KCTD19: variants seen among roughly 807,000 people sequenced by gnomAD.
The protein encoded by KCTD19 is BTB/POZ domain-containing protein KCTD19.
Under a neutral mutation model 103.5 loss-of-function variants are expected in KCTD19, and 67 were observed. The ratio of observed to expected loss-of-function variants is 0.65; its 90% confidence interval spans 0.53 to 0.79. KCTD19 has a LOEUF of 0.79. Ranked by LOEUF, KCTD19 falls within the 30% of genes least tolerant of loss-of-function variation. KCTD19 has a pLI of 0.00. For missense variants in KCTD19, 980 were observed against 1,136.1 expected, an observed-to-expected ratio of 0.86 and a Z score of 1.98; for synonymous variants, 439 against 452.2, an observed-to-expected ratio of 0.97 and a Z score of 0.37.
chr16:67,296,827 T>C (rs1332520687), intron 7 of KCTD19, among the ~76,000 whole-genome samples: 2 of 152,104 alleles, frequency 1.3e-5, no homozygotes, highest in Non-Finnish European at 2.9e-5. Context: ...CTGTAATGAA[T>C]GAAGGGTATA....
intron 7 of KCTD19, among the ~76,000 whole-genome samples, chr16:67,296,757 C>T (rs909349208): frequency 6.6e-6 from 1 of 152,134 alleles, no homozygotes; most frequent in Non-Finnish European, 1.5e-5. Flanking sequence ...TAACCCTTTT[C>T]CTGGAGATGA....
chr16:67,304,235 A>C (rs1249260015), intron 3 of KCTD19, among the ~76,000 whole-genome samples, 186 bp downstream of exon 3: 1 of 152,162 alleles, frequency 6.6e-6, no homozygotes, highest in Admixed American at 6.6e-5. Context: ...GTGGAGGAGA[A>C]TGTTGGTTCC....
At chr16:67,312,225 C>T (rs1415734253) in intron 2 of KCTD19, among the ~76,000 whole-genome samples, 3 of 152,146 alleles carry the variant, frequency 2.0e-5, no homozygotes, top group Non-Finnish European at 2.9e-5. Flanking sequence ...AAAAAAGAAT[C>T]GATAATTTGC....
Position 67,291,366 on chromosome 16 carries a change from C to T in KCTD19, c.2508G>A (p.Arg836=). 2.5e-6 allele frequency: 4 copies of T among 1,614,196 alleles called. No homozygotes were observed. The part of the protein sequence containing the change: ...FLADIIMDSI[R]QKDPKAITAK... ...CTGTGATGGCTTTGGGGTCCTTTTG[C>T]CTGATGGAATCCATGATGATGTCAG... is the stretch of plus-strand genomic sequence containing the variant. Residue 836 remains arginine, a synonymous_variant, in exon 14 of 16, where the codon AGG becomes AGA. Transcript: ENST00000304372.
chr16:67,306,929 A>G (rs2036899459), intron 2 of KCTD19, among the ~76,000 whole-genome samples: 1 of 152,126 alleles, frequency 6.6e-6, no homozygotes, highest in Non-Finnish European at 1.5e-5. Flanking sequence ...ACTCCCTTTG[A>G]GCACATGGGA....
intron 2 of KCTD19, among the ~76,000 whole-genome samples, chr16:67,314,609 G>C (rs1456832871): frequency 6.6e-6 from 1 of 150,442 alleles, no homozygotes; most frequent in Non-Finnish European, 1.5e-5. Context: ...ATAGAGATGG[G>C]GCTTTGTCAT....
Position 67,304,558 on chromosome 16 carries a change from A to T in KCTD19, c.314T>A (p.Leu105Gln), listed in dbSNP as rs2036871554. ...GCGTAGATGGTGTTTCCCTTCCTTC[A>T]GGTTATCTAGAGTCTGTTAGATAAT... The part of the protein sequence containing the change: ...LMPLLQTLDN[L>Q]KEGKHHLRVR... The change falls in exon 3 of 16, where the codon CTG (leucine) becomes CAG (glutamine). Residue 105 changes from leucine to glutamine, a missense_variant. By Grantham distance (113) the Leu-to-Gln change is moderately radical (BLOSUM62 -2). Coordinates refer to ENST00000304372, the MANE Select transcript of KCTD19 (RefSeq NM_001100915.3). The T allele has an allele frequency of 6.2e-7, 1 of 1,613,938 alleles. No individual in the cohort carries two copies. The highest frequency in any genetic ancestry group is 8.5e-7 in the Non-Finnish European group (1 of 1,179,830).
In KCTD19 at chr16:67,290,969, G is replaced by C. The variant is rs755542765; in HGVS notation, c.2583C>G (p.Pro861=). Residue 861 remains proline, a synonymous_variant, in exon 15 of 16, where the codon CCC becomes CCG. Coordinates refer to ENST00000304372, the MANE Select transcript of KCTD19 (RefSeq NM_001100915.3). ...CCAGCAAATCTACCACAAACTGCTT[G>C]GGGCTGATGTGCAGGGTCTGCCAGG... The part of the protein sequence containing the change: ...ANRLWTLHIS[P]KQFVVDLLAI... 19 of 1,613,980 alleles carry C rather than the reference G, an allele frequency of 1.2e-5. No homozygotes were observed. In the African/African-American group the frequency reaches 2.4e-4, roughly 20 times the overall value.
Position 67,320,908 on chromosome 16 carries a change from A to G in KCTD19, c.4-23T>C, listed in dbSNP as rs776194728. Reference sequence around the variant, plus strand: ...CTCCTAAAGGGGGAATGAAAAAGAGATCTACGCAAGAAAAAGAAATAAAAA... The same window carrying G: ...CTCCTAAAGGGGGAATGAAAAAGAGGTCTACGCAAGAAAAAGAAATAAAAA... On this transcript the variant is annotated intron_variant, in intron 1 of 15. Transcript: ENST00000304372. This position sits in a 1 kb window ranked among gnomAD's most constrained non-coding sequence, Gnocchi z 4.0. 2.2e-5 allele frequency: 34 copies of G among 1,577,920 alleles called. No homozygotes were observed. Among genetic ancestry groups the G allele is most frequent in the Non-Finnish European group, 2.7e-5 (31 of 1,165,656 alleles).
In KCTD19 at chr16:67,302,133, C is replaced by T. The variant is rs181030691; in HGVS notation, c.644-211G>A. ...TACTTTGTTTTCCTGTGTCTGAGGC[C>T]GTGGGTGTGGCCTCCCGTGGCTTGG... On this transcript the variant is annotated intron_variant, in intron 4 of 15. Transcript: ENST00000304372. The T allele has an allele frequency of 6.1e-3, 2,844 of 467,208 alleles. 24 individuals are homozygous for T. The highest frequency in any genetic ancestry group is 7.1e-3 in the Non-Finnish European group (1,833 of 259,480). 28.9% of individuals were successfully genotyped at this position (467,208 alleles called of 1,614,324 possible).
chr16:67,294,431 C>T, intron 11 of KCTD19, 149 bp downstream of exon 11: 1 of 670,422 alleles, frequency 1.5e-6, no homozygotes, highest in Admixed American at 2.8e-5. Flanking sequence ...CTTCACGGTT[C>T]AGAAGCCAGG....
In KCTD19 at chr16:67,293,936, G is replaced by T; in HGVS notation, c.1826C>A (p.Pro609Gln). The T allele has an allele frequency of 6.2e-7, 1 of 1,613,796 alleles. No homozygotes were observed. Among genetic ancestry groups the T allele is most frequent in the African/African-American group, 1.3e-5 (1 of 74,900 alleles). ...GTTGATTGTGGTGCATTTCTTCTTT[G>T]GGGGGCTCTCAGGGTGGCTCCCCCA... The part of the protein sequence containing the change: ...GHWGSHPESP[P>Q]KKKCTTINLT... Residue 609 changes from proline to glutamine, a missense_variant, in exon 12 of 16, where the codon CCA becomes CAA. By Grantham distance (76) the Pro-to-Gln change is moderately conservative (BLOSUM62 -1). Transcript: ENST00000304372. The surrounding 1 kb of genome is among the most constrained non-coding windows in gnomAD (Gnocchi z 4.0).
Position 67,320,831 on chromosome 16 carries a change from CT to C in KCTD19, c.57del (p.Gly21AlafsTer26). ...ESAEDLFHFN[V>X]GGWHFSVPRS... ...CTGGGAACTGAGAAATGCCAGCCCCCTACGTTGAAATGAAACAAGTCCTCTG... is the reference window on the plus strand; with the variant it reads ...CTGGGAACTGAGAAATGCCAGCCCCCACGTTGAAATGAAACAAGTCCTCTG... On this transcript the variant is annotated frameshift_variant, in exon 2 of 16. Transcript: ENST00000304372. LOFTEE classifies it high-confidence loss of function. The surrounding 1 kb of genome is among the most constrained non-coding windows in gnomAD (Gnocchi z 4.0). 2 of 1,614,088 alleles carry C rather than the reference CT, an allele frequency of 1.2e-6. No individual in the cohort carries two copies. The highest frequency in any genetic ancestry group is 1.7e-6 in the Non-Finnish European group (2 of 1,179,990).
At position 67,294,189 on chromosome 16, in the gene KCTD19, C is replaced by T. The variant is rs371196353; in HGVS notation, c.1591-18G>A. The T allele has an allele frequency of 6.9e-6, 11 of 1,590,640 alleles. No homozygotes were observed. Among genetic ancestry groups the T allele is most frequent in the South Asian group, 1.1e-5 (1 of 89,558 alleles). On this transcript the variant is annotated intron_variant, in intron 11 of 15. Transcript: ENST00000304372. Reference sequence around the variant, plus strand: ...GCTGTGGTCTGGGGAGGGAAGGGCACAGTAACTCTGGATAGGTTGGGCATG... The same window carrying T: ...GCTGTGGTCTGGGGAGGGAAGGGCATAGTAACTCTGGATAGGTTGGGCATG...
intron 8 of KCTD19, 66 bp from the exon 9 acceptor site, chr16:67,295,471 T>G: frequency 2.0e-6 from 3 of 1,465,154 alleles, no homozygotes; most frequent in Non-Finnish European, 2.8e-6. Context: ...CAGGTCAATC[T>G]TCTCTCACTC....
intron 1 of KCTD19, among the ~76,000 whole-genome samples, chr16:67,322,305 T>C (rs2142526606): frequency 6.6e-6 from 1 of 151,900 alleles, no homozygotes; most frequent in Non-Finnish European, 1.5e-5. Context: ...AATCTTTTTT[T>C]TTTTTTTTTT....
chr16:67,307,613 G>GC (rs2036908134), intron 2 of KCTD19, among the ~76,000 whole-genome samples: 1 of 152,032 alleles, frequency 6.6e-6, no homozygotes, highest in Non-Finnish European at 1.5e-5. Context: ...ACCACGCCTG[G>GC]CCGACAGCCA....
chr16:67,290,780 T>A (rs1348723187), intron 15 of KCTD19, 105 bp downstream of exon 15: 3 of 1,026,050 alleles, frequency 2.9e-6, no homozygotes, highest in Admixed American at 2.4e-5. Flanking sequence ...GCTGCCTGTC[T>A]AGCCTTCTGG....
chr16:67,290,338 T>C (rs1597390861), intron 15 of KCTD19, among the ~76,000 whole-genome samples: 4 of 151,944 alleles, frequency 2.6e-5, no homozygotes, highest in Admixed American at 1.3e-4. Context: ...CCACCACGCC[T>C]GGCTAATTTT....
Sources: allele counts gnomAD v4.1 joint callset (sites outside exome capture counted in the v4.1 genomes callset), GRCh38; gene constraint gnomAD v4.1.1; non-coding constraint Gnocchi (gnomAD v3.1); transcripts MANE v1.5; gene names NCBI Gene and HGNC (gene_info 2026-07-23, HGNC 2026-07-21).